The following LRFN5 variants were observed in gnomAD, a reference collection of about 807,000 sequenced individuals.
LRFN5 encodes leucine-rich repeat and fibronectin type-III domain-containing protein 5.
LRFN5 carries 24 observed loss-of-function variants against 45.6 expected under a neutral mutation model. That is an observed-to-expected ratio of 0.53 (90% CI 0.38 to 0.74). The LOEUF is 0.74. Among genes scored for constraint, LRFN5 ranks in the 30% least tolerant of loss-of-function variants. The pLI is 0.00. For missense variants in LRFN5, 776 were observed against 861.5 expected (o/e 0.90, Z 1.24); for synonymous variants, 340 against 313.8 (o/e 1.08, Z -0.88).
At chr14:41,629,040 A>G (rs1260435965) in intron 1 of LRFN5, among the ~76,000 whole-genome samples, 3 of 152,186 alleles carry the variant, frequency 2.0e-5, no homozygotes, top group Non-Finnish European at 4.4e-5. Context: ...AAAAGTAGAT[A>G]TTTGTAGATA....
At chr14:41,639,508 C>A (rs913733087) in intron 1 of LRFN5, among the ~76,000 whole-genome samples, 5 of 151,988 alleles carry the variant, frequency 3.3e-5, no homozygotes, top group African/African-American at 9.7e-5. Context: ...TATCATTTAA[C>A]CTTTTTAGTC....
In LRFN5 at chr14:41,661,661, C is replaced by T. The variant is rs117629728; in HGVS notation, c.-197+53099C>T. ...GCAAATAAGAAAATCAATCACTTAT[C>T]GTGTTAGGTGATGTGGAGCACAGAG... is the stretch of plus-strand genomic sequence containing the variant. On this transcript the variant is annotated intron_variant, in intron 1 of 5. Coordinates refer to ENST00000298119, the MANE Select transcript of LRFN5 (RefSeq NM_152447.5). 4.3e-4 allele frequency among the ~76,000 whole-genome samples: 66 copies of T among 152,068 alleles called. No individual in the cohort carries two copies. In the East Asian group the frequency reaches 9.3e-3, roughly 22 times the overall value.
intron 1 of LRFN5, among the ~76,000 whole-genome samples, chr14:41,675,455 C>T (rs1261658013): frequency 2.0e-5 from 3 of 152,330 alleles, no homozygotes; most frequent in East Asian, 3.9e-4. Flanking sequence ...TTACGAAAAC[C>T]AGTCAGGCGT....
intron 2 of LRFN5, among the ~76,000 whole-genome samples, chr14:41,793,464 A>T (rs1244321504): frequency 6.6e-6 from 1 of 152,098 alleles, no homozygotes; most frequent in South Asian, 2.1e-4. Flanking sequence ...TTTACTAGAA[A>T]ACTTTTTAAA....
intron 2 of LRFN5, among the ~76,000 whole-genome samples, chr14:41,831,512 A>G (rs991414972): frequency 6.6e-6 from 1 of 152,162 alleles, no homozygotes; most frequent in African/African-American, 2.4e-5. Context: ...ACTTACATAG[A>G]TGTATGTGTG....
At chr14:41,762,340 C>T (rs187924346) in intron 1 of LRFN5, among the ~76,000 whole-genome samples, 5 of 152,220 alleles carry the variant, frequency 3.3e-5, no homozygotes, top group African/African-American at 1.2e-4. Context: ...TACAATGTGA[C>T]ATTTACATTA....
chr14:41,624,194 C>G (rs1378437422), intron 1 of LRFN5, among the ~76,000 whole-genome samples: 1 of 151,968 alleles, frequency 6.6e-6, no homozygotes, highest in Admixed American at 6.6e-5. Context: ...GATAAACATA[C>G]TTTGAAATAT....
intron 1 of LRFN5, among the ~76,000 whole-genome samples, chr14:41,621,832 G>C (rs1888146258): frequency 6.6e-6 from 1 of 152,032 alleles, no homozygotes; most frequent in African/African-American, 2.4e-5. Context: ...GTCTCCATCG[G>C]TTCCTTTCTC....
At chr14:41,790,708 G>A (rs1163053322) in intron 2 of LRFN5, among the ~76,000 whole-genome samples, 1 of 151,050 alleles carries the variant, frequency 6.6e-6, no homozygotes, top group Non-Finnish European at 1.5e-5. Flanking sequence ...ATTTAGGAAT[G>A]TTTCTTATCT....
At chr14:41,700,056 A>T (rs1234728302) in intron 1 of LRFN5, 1 of 152,104 alleles carries the variant, frequency 6.6e-6, no homozygotes, top group Non-Finnish European at 1.5e-5. Context: ...CAACGTGAAG[A>T]TCTTGTTTGC....
At chr14:41,809,091 T>C (rs1887650496) in intron 2 of LRFN5, among the ~76,000 whole-genome samples, 1 of 152,094 alleles carries the variant, frequency 6.6e-6, no homozygotes, top group Admixed American at 6.6e-5. Flanking sequence ...TAGTACAAAG[T>C]GCCATATGGC....
intron 1 of LRFN5, among the ~76,000 whole-genome samples, chr14:41,717,033 G>A (rs1416420774): frequency 6.6e-6 from 1 of 151,960 alleles, no homozygotes; most frequent in Non-Finnish European, 1.5e-5. Flanking sequence ...TTTCTAAATC[G>A]TGTCCTCCTT....
intron 2 of LRFN5, among the ~76,000 whole-genome samples, chr14:41,781,568 GAAAGAAAGAAAGAAAGAAA>G (rs1886492965): frequency 9.5e-5 from 5 of 52,900 alleles, no homozygotes; most frequent in African/African-American, 5.2e-4. Context: ...GAGAAAGAAA[GAAAGAAAGAAAGAAAGAAA>G]GAAAGAAAGA....
At chr14:41,622,476 A>G (rs562968396) in intron 1 of LRFN5, among the ~76,000 whole-genome samples, 100 of 152,252 alleles carry the variant, frequency 6.6e-4, no homozygotes, top group African/African-American at 2.3e-3. Flanking sequence ...TACATGTATG[A>G]ATATACACAT....
chr14:41,895,352 C>T (rs577031673), intron 4 of LRFN5, among the ~76,000 whole-genome samples: 67 of 152,154 alleles, frequency 4.4e-4, no homozygotes, highest in Non-Finnish European at 8.2e-4. Flanking sequence ...TGGCTGGGCA[C>T]GGGGGCTCAC....
chr14:41,706,351 C>T (rs369973730), intron 1 of LRFN5, among the ~76,000 whole-genome samples: 6 of 152,162 alleles, frequency 3.9e-5, no homozygotes, highest in Non-Finnish European at 7.3e-5. Context: ...CCTCCAACCT[C>T]GGCCTCCCAA....
At chr14:41,678,618 C>T (rs1009468170) in intron 1 of LRFN5, among the ~76,000 whole-genome samples, 7 of 152,132 alleles carry the variant, frequency 4.6e-5, no homozygotes, top group Middle Eastern at 6.8e-3. Flanking sequence ...TTAACAATTC[C>T]CAGTATATAT....
At chr14:41,617,068 C>T (rs1887951440) in intron 1 of LRFN5, among the ~76,000 whole-genome samples, 1 of 152,092 alleles carries the variant, frequency 6.6e-6, no homozygotes, top group Non-Finnish European at 1.5e-5. Flanking sequence ...AAATAAGGAC[C>T]TGAGGCTGAA....
At chr14:41,720,506 A>G (rs1160761388) in intron 1 of LRFN5, among the ~76,000 whole-genome samples, 1 of 152,026 alleles carries the variant, frequency 6.6e-6, no homozygotes, top group Non-Finnish European at 1.5e-5. Flanking sequence ...TAACTTTTTG[A>G]TATAGGTGTT....
Sources: gnomAD v4.1 joint callset for allele counts (sites outside exome capture counted in the v4.1 genomes callset) on GRCh38, gnomAD v4.1.1 for gene constraint, MANE v1.5 for transcripts, NCBI Gene and HGNC (gene_info 2026-07-23, HGNC 2026-07-21) for gene names.